BCR: variants seen among roughly 807,000 people sequenced by gnomAD.
BCR encodes the protein BCR activator of RhoGEF and GTPase, also known as breakpoint cluster region protein.
Under a neutral mutation model 138.6 loss-of-function variants are expected in BCR, and 58 were observed. The observed-to-expected ratio is 0.42, with a 90% confidence interval of 0.34 to 0.52. BCR has a LOEUF of 0.52. BCR is among the 20% of genes least tolerant of loss of function. The pLI, the probability that BCR is intolerant of heterozygous loss-of-function variation, is 0.06. For missense variants in BCR, 1,599 were observed against 1,727.2 expected (o/e 0.93, Z 1.32); for synonymous variants, 786 against 730.1 (o/e 1.08, Z -1.23).
At chr22:23,272,442 G>A (rs572596583) in intron 6 of BCR, among the ~76,000 whole-genome samples, 6 of 152,240 alleles carry the variant, frequency 3.9e-5, no homozygotes, top group South Asian at 4.2e-4. Flanking sequence ...ACACCTGAGC[G>A]TCTGTGCCTG....
At position 23,299,694 on chromosome 22, in the gene BCR, T is replaced by TTATATATA. The variant is rs10532946; in HGVS notation, c.3012+4556_3012+4563dup. Among the ~76,000 whole-genome samples the TTATATATA allele has an allele frequency of 2.0e-4, 29 of 145,926 alleles. No homozygotes were observed. In the East Asian group the frequency reaches 3.4e-3, roughly 17 times the overall value. ...ATACATTGTTTAATGGATCTAGAGT[T>TTATATATA]TATATATATATATATATATATATAG... On this transcript the variant is annotated intron_variant, in intron 16 of 22. Transcript: ENST00000305877.
intron 22 of BCR, 83 bp from the exon 23 acceptor site, chr22:23,315,350 A>T: frequency 7.8e-7 from 1 of 1,274,760 alleles, no homozygotes; most frequent in Non-Finnish European, 1.1e-6. Flanking sequence ...ATGGACTTGG[A>T]GGCTTGGGCC....
chr22:23,289,647 G>A (rs1283684575), intron 13 of BCR, 26 bp downstream of exon 13: 2 of 1,590,764 alleles, frequency 1.3e-6, no homozygotes, highest in Admixed American at 3.3e-5. Context: ...TCCGTGTACA[G>A]GGCACCTGCA....
At chr22:23,255,478 C>T (rs1218241303) in intron 2 of BCR, among the ~76,000 whole-genome samples, 1 of 152,218 alleles carries the variant, frequency 6.6e-6, no homozygotes, top group East Asian at 1.9e-4. Context: ...TCTTGGTGCA[C>T]CCCTTTCTTG....
intron 1 of BCR, among the ~76,000 whole-genome samples, chr22:23,223,314 TTG>T (rs1294965097): frequency 6.6e-6 from 1 of 152,160 alleles, no homozygotes; most frequent in Non-Finnish European, 1.5e-5. Flanking sequence ...ATGTGCACAC[TTG>T]TGTGTGTACA....
chr22:23,247,094 C>G (rs2073165786), intron 1 of BCR, among the ~76,000 whole-genome samples: 1 of 152,102 alleles, frequency 6.6e-6, no homozygotes, highest in Non-Finnish European at 1.5e-5. Flanking sequence ...GACAATCCCT[C>G]CAAAAGACGT....
chr22:23,283,743 T>C lies in BCR; in HGVS notation c.2116-234T>C, dbSNP rs1462742412. 5 of 498,002 alleles carry C rather than the reference T, an allele frequency of 1.0e-5. No homozygotes were observed. In the East Asian group the frequency reaches 1.2e-4, roughly 12 times the overall value. 30.8% of individuals were successfully genotyped at this position (498,002 alleles called of 1,614,324 possible). The stretch of plus-strand genomic sequence containing the variant: ...CCAAAGGCTGAACACACAGGAGGGA[T>C]TGGGAAATTTGTTGAACAAAGAAGT... On this transcript the variant is annotated intron_variant, in intron 8 of 22. Transcript: ENST00000305877.
In BCR at chr22:23,281,451, C is replaced by A. The variant is rs574493230; in HGVS notation, c.2116-2526C>A. On this transcript the variant is annotated intron_variant, in intron 8 of 22. Coordinates refer to ENST00000305877, the MANE Select transcript of BCR (RefSeq NM_004327.4). Reference sequence around the variant, plus strand: ...ATCTCAAGGCCAACTGTCCTGTACTCCAGGCCGGGGACCAGGCTGCTGAGC... The same window carrying A: ...ATCTCAAGGCCAACTGTCCTGTACTACAGGCCGGGGACCAGGCTGCTGAGC... Among the ~76,000 whole-genome samples the A allele has an allele frequency of 2.0e-5, 3 of 152,332 alleles. No individual in the cohort carries two copies. In the South Asian group the frequency reaches 6.2e-4, roughly 32 times the overall value.
chr22:23,311,495 G>T (rs1384305376), intron 18 of BCR, among the ~76,000 whole-genome samples: 1 of 151,986 alleles, frequency 6.6e-6, no homozygotes, highest in African/African-American at 2.4e-5. Context: ...CGCTTGAAAG[G>T]TTCCTGAGAA....
intron 1 of BCR, among the ~76,000 whole-genome samples, chr22:23,238,475 AG>A (rs2073050483): frequency 6.6e-6 from 1 of 152,036 alleles, no homozygotes; most frequent in African/African-American, 2.4e-5. Context: ...CCCCTAGTTC[AG>A]CCCCCCAGGA....
At position 23,251,967 on chromosome 22, in the gene BCR, T is replaced by G. The variant is rs572038045; in HGVS notation, c.1280-1832T>G. Among the ~76,000 whole-genome samples, 5 of 152,238 alleles carry G rather than the reference T, an allele frequency of 3.3e-5. 1 individual carries two copies. Among genetic ancestry groups the G allele is most frequent in the African/African-American group, 1.2e-4 (5 of 41,550 alleles). The stretch of plus-strand genomic sequence containing the variant: ...GGAGGAGCTCCAGATGGCTAAGGCC[T>G]TGGAAACACGTGTTGAGCTTTGTCA... On this transcript the variant is annotated intron_variant, in intron 1 of 22. Coordinates refer to ENST00000305877, the MANE Select transcript of BCR (RefSeq NM_004327.4).
intron 12 of BCR, among the ~76,000 whole-genome samples, chr22:23,288,593 T>C (rs2073745741): frequency 6.6e-6 from 1 of 151,812 alleles, no homozygotes; most frequent in East Asian, 1.9e-4. Context: ...TCTCCTCATC[T>C]ACTCCCCGCC....
rs771784755 is a variant in BCR, at chr22:23,181,757, G to A, written c.797G>A (p.Gly266Asp). The change falls in exon 1 of 23, where the codon GGT becomes GAT. Residue 266 changes from glycine to aspartate, a missense_variant. Physicochemically the swap from Gly to Asp is moderately conservative, Grantham distance 94 (BLOSUM62 -1). Transcript: ENST00000305877. ...GACAACCTGATCGACGCCAATGGCG[G>A]TAGCAGGCCCCCTTGGCCGCCCCTG... The part of the protein sequence containing the change: ...LKDNLIDANG[G>D]SRPPWPPLEY... 1.2e-6 allele frequency: 2 copies of A among 1,605,286 alleles called. No individual in the cohort carries two copies.
At chr22:23,198,955 A>C (rs928145345) in intron 1 of BCR, among the ~76,000 whole-genome samples, 2 of 151,870 alleles carry the variant, frequency 1.3e-5, no homozygotes, top group Non-Finnish European at 2.9e-5. Flanking sequence ...CCCGGTCTCT[A>C]TTACAAATAC....
chr22:23,182,278 G>T, intron 1 of BCR, 39 bp downstream of exon 1: 1 of 1,494,326 alleles, frequency 6.7e-7, no homozygotes, highest in African/African-American at 1.4e-5. Flanking sequence ...ACACCTGCAC[G>T]GGGGAGGAAA....
At chr22:23,293,558 G>C (rs969920928) in intron 15 of BCR, among the ~76,000 whole-genome samples, 2 of 152,186 alleles carry the variant, frequency 1.3e-5, no homozygotes, top group Admixed American at 6.5e-5. Context: ...TGTGATGAGA[G>C]GGGGTATAAG....
At chr22:23,212,579 T>G (rs1224899834) in intron 1 of BCR, among the ~76,000 whole-genome samples, 1 of 152,202 alleles carries the variant, frequency 6.6e-6, no homozygotes, top group Non-Finnish European at 1.5e-5. Flanking sequence ...CCTCCTCTGT[T>G]GCAGGGCCGC....
chr22:23,219,368 C>T (rs1019199997), intron 1 of BCR, among the ~76,000 whole-genome samples: 1 of 152,200 alleles, frequency 6.6e-6, no homozygotes, highest in Non-Finnish European at 1.5e-5. Flanking sequence ...CCCCCGGATC[C>T]CAAGCCTCTC....
At chr22:23,203,964 G>C (rs762909286) in intron 1 of BCR, among the ~76,000 whole-genome samples, 5 of 152,184 alleles carry the variant, frequency 3.3e-5, no homozygotes, top group Non-Finnish European at 7.3e-5. Flanking sequence ...CAGAAGCTGG[G>C]CTGGGACGGG....
Sources: gnomAD v4.1 joint callset for allele counts (sites outside exome capture counted in the v4.1 genomes callset) on GRCh38, gnomAD v4.1.1 for gene constraint, MANE v1.5 for transcripts, NCBI Gene and HGNC (gene_info 2026-07-23, HGNC 2026-07-21) for gene names.